NELL1: variants seen among roughly 807,000 people sequenced by gnomAD.
The protein encoded by NELL1 is protein kinase C-binding protein NELL1.
NELL1 carries 76 observed loss-of-function variants against 107.4 expected under a neutral mutation model. The observed-to-expected ratio is 0.71, with a 90% CI of 0.59 to 0.86. The LOEUF (loss-of-function observed/expected upper bound fraction) is 0.86, where lower values mean the gene tolerates loss of function less well. Ranked by LOEUF, NELL1 falls within the 40% of genes least tolerant of loss-of-function variation. The pLI, the probability that NELL1 is intolerant of heterozygous loss-of-function variation, is 0.00. For synonymous variants in NELL1, 353 were observed against 341.2 expected (o/e 1.03, Z -0.38); for missense variants, 1,024 against 1,005.5 (o/e 1.02, Z -0.25).
chr11:21,170,492 C>G (rs1350107254), intron 13 of NELL1, among the ~76,000 whole-genome samples: 2 of 151,606 alleles, frequency 1.3e-5, no homozygotes, highest in East Asian at 1.9e-4. Flanking sequence ...TATTTTTCCT[C>G]CAAAAAAATT....
intron 3 of NELL1, among the ~76,000 whole-genome samples, chr11:20,797,892 T>C (rs1857205974): frequency 6.6e-6 from 1 of 152,178 alleles, no homozygotes; most frequent in South Asian, 2.1e-4. Flanking sequence ...AAGTTTTCAG[T>C]TGAATAAATT....
rs150859451 is a variant in NELL1, at chr11:20,713,500, C to T, written c.184+35440C>T. On this transcript the variant is annotated intron_variant, in intron 2 of 19. Coordinates refer to ENST00000357134, the MANE Select transcript of NELL1 (RefSeq NM_006157.5). The stretch of plus-strand genomic sequence containing the variant: ...CCCAACACCCACGCAGTTGGTGAGG[C>T]TGGTCTTGCTCCTGCAGTGCCCCCT... 3.3e-5 allele frequency among the ~76,000 whole-genome samples: 5 copies of T among 152,158 alleles called. No individual in the cohort carries two copies. In the East Asian group the frequency reaches 9.6e-4, roughly 29 times the overall value.
intron 17 of NELL1, among the ~76,000 whole-genome samples, chr11:21,563,904 G>A (rs923471957): frequency 6.6e-6 from 1 of 151,920 alleles, no homozygotes; most frequent in Non-Finnish European, 1.5e-5. Context: ...AAACAAGAGG[G>A]AACTGTAAGA....
intron 2 of NELL1, among the ~76,000 whole-genome samples, chr11:20,756,114 T>A (rs1233106543): frequency 1.3e-5 from 2 of 148,174 alleles, no homozygotes; most frequent in Non-Finnish European, 3.0e-5. Context: ...TCTCCTGACC[T>A]CGTGATCCGC....
chr11:21,144,646 T>A (rs16907534), intron 13 of NELL1, among the ~76,000 whole-genome samples: 1 of 152,190 alleles, frequency 6.6e-6, no homozygotes, highest in East Asian at 1.9e-4. Context: ...ATTTTTGCAC[T>A]AGAGTCTGCT....
chr11:21,051,144 T>C (rs1853483643), intron 12 of NELL1, among the ~76,000 whole-genome samples: 1 of 152,146 alleles, frequency 6.6e-6, no homozygotes, highest in South Asian at 2.1e-4. Flanking sequence ...AAATGCCCCT[T>C]AATCAACTAG....
At position 21,125,027 on chromosome 11, in the gene NELL1, G is replaced by A. The variant is rs369935967; in HGVS notation, c.1426+11313G>A. ...CCCACTTCCTAATACCATCACCCTA[G>A]GGGTTAAGATTTTAACATGAGTTTT... On this transcript the variant is annotated intron_variant, in intron 13 of 19. Transcript: ENST00000357134. Among the ~76,000 whole-genome samples the A allele has an allele frequency of 1.3e-3, 191 of 152,200 alleles. 4 individuals are homozygous for A. The South Asian group carries it at 0.037, about 30-fold the overall frequency.
chr11:20,792,506 A>G (rs1377444224), intron 3 of NELL1, among the ~76,000 whole-genome samples: 1 of 151,942 alleles, frequency 6.6e-6, no homozygotes, highest in South Asian at 2.1e-4. Context: ...GTCTTTATCT[A>G]TCTAGTCATC....
At chr11:21,528,533 T>C (rs1240223554) in intron 15 of NELL1, among the ~76,000 whole-genome samples, 3 of 134,178 alleles carry the variant, frequency 2.2e-5, no homozygotes, top group East Asian at 2.4e-4. Context: ...TTTTTTTTTT[T>C]CCACAATGAC....
chr11:20,782,037 T>C (rs997701651), intron 2 of NELL1, among the ~76,000 whole-genome samples: 25 of 131,096 alleles, frequency 1.9e-4, no homozygotes, highest in African/African-American at 7.9e-4. Flanking sequence ...GAGACCCTCA[T>C]CTCAAAAAAA....
At chr11:21,540,017 A>C (rs1468591321) in intron 16 of NELL1, among the ~76,000 whole-genome samples, 2 of 151,886 alleles carry the variant, frequency 1.3e-5, no homozygotes, top group African/African-American at 4.8e-5. Flanking sequence ...CTAGATTGAC[A>C]CCATTTTCTA....
Position 21,309,259 on chromosome 11 carries a change from TG to T in NELL1, c.1550-61593del, listed in dbSNP as rs1289616384. On this transcript the variant is annotated intron_variant, in intron 14 of 19. Transcript: ENST00000357134. ...AAAAAACCCACTCTAAATATATATA[TG>T]TATATATATATATATATATGTATAT... 8.6e-3 allele frequency among the ~76,000 whole-genome samples: 361 copies of T among 42,082 alleles called. 3 individuals are homozygous for T. Among genetic ancestry groups the T allele is most frequent in the Middle Eastern group, 0.061 (5 of 82 alleles). The allele number at this position is 42,082 out of a possible 152,430, so 27.6% of individuals were successfully genotyped here. A position where few individuals can be genotyped will look rare whatever the true frequency, so the allele number is the denominator to read the frequency against.
intron 14 of NELL1, among the ~76,000 whole-genome samples, chr11:21,324,491 T>A (rs923988331): frequency 6.6e-6 from 1 of 152,120 alleles, no homozygotes; most frequent in African/African-American, 2.4e-5. Flanking sequence ...TTTCTTCAGA[T>A]ACTGTGATGC....
At chr11:21,123,021 G>A (rs1409845605) in intron 13 of NELL1, among the ~76,000 whole-genome samples, 1 of 152,064 alleles carries the variant, frequency 6.6e-6, no homozygotes. Context: ...ATCTCAAAAT[G>A]GTGAAGTTAC....
chr11:21,549,912 T>A (rs1004119584), intron 16 of NELL1, among the ~76,000 whole-genome samples: 5 of 151,538 alleles, frequency 3.3e-5, no homozygotes, highest in Non-Finnish European at 7.4e-5. Context: ...AGAGGGTGAA[T>A]AAAAGAGTGG....
chr11:21,301,324 T>A (rs897651440), intron 14 of NELL1, among the ~76,000 whole-genome samples: 2 of 152,166 alleles, frequency 1.3e-5, no homozygotes, highest in Non-Finnish European at 2.9e-5. Flanking sequence ...CGCCACACTG[T>A]CTTCCACAAT....
intron 15 of NELL1, among the ~76,000 whole-genome samples, chr11:21,509,854 AAT>A (rs1399303612): frequency 6.6e-6 from 1 of 152,186 alleles, no homozygotes; most frequent in African/African-American, 2.4e-5. Flanking sequence ...AAAAATGACA[AAT>A]ATATGTGTAG....
At chr11:21,326,207 A>AT (rs1332608388) in intron 14 of NELL1, among the ~76,000 whole-genome samples, 10 of 136,998 alleles carry the variant, frequency 7.3e-5, no homozygotes, top group African/African-American at 8.2e-5. Flanking sequence ...TTTGTTACTC[A>AT]TTTTTTTTGC....
chr11:21,272,661 G>A (rs1453483841), intron 14 of NELL1, among the ~76,000 whole-genome samples: 1 of 152,210 alleles, frequency 6.6e-6, no homozygotes, highest in Non-Finnish European at 1.5e-5. Flanking sequence ...CCAAGTAGGG[G>A]CAGACTGACA....
Sources: allele counts gnomAD v4.1 joint callset (sites outside exome capture counted in the v4.1 genomes callset), GRCh38; gene constraint gnomAD v4.1.1; transcripts MANE v1.5; gene names NCBI Gene and HGNC (gene_info 2026-07-23, HGNC 2026-07-21).